The following NLGN1 variants were observed in gnomAD, a reference collection of about 807,000 sequenced individuals.
NLGN1 encodes the protein neuroligin 1, also known as neuroligin-1.
In NLGN1, 12 loss-of-function variants were observed where a neutral mutation model predicts 65.5. The observed-to-expected ratio is 0.18, with a 90% CI of 0.12 to 0.30. The LOEUF is 0.30. Ranked by LOEUF, NLGN1 falls within the 10% of genes least tolerant of loss-of-function variation. The pLI, the probability that NLGN1 is intolerant of heterozygous loss-of-function variation, is 1.00. For synonymous variants in NLGN1, 350 were observed against 359.5 expected (o/e 0.97, Z 0.30); for missense variants, 750 against 1,007.1 (o/e 0.74, Z 3.46).
intron 4 of NLGN1, among the ~76,000 whole-genome samples, chr3:173,994,152 G>A (rs1721754333): frequency 6.6e-6 from 1 of 152,066 alleles, no homozygotes; most frequent in South Asian, 2.1e-4. Context: ...CTGTCACCCA[G>A]GTTGGAGTGC....
chr3:173,482,087 G>A (rs1425509862), intron 2 of NLGN1, among the ~76,000 whole-genome samples: 2 of 151,898 alleles, frequency 1.3e-5, no homozygotes, highest in African/African-American at 4.8e-5. Flanking sequence ...TGATCATTCA[G>A]TTTTGTTTGT....
chr3:174,275,352 C>A, exon 5 of NLGN1: 1 of 1,612,566 alleles, frequency 6.2e-7, no homozygotes, highest in Non-Finnish European at 8.5e-7. Flanking sequence ...CAAAGGGGAA[C>A]TATGGACTCC....
chr3:173,802,500 A>G (rs1021857430), intron 3 of NLGN1, among the ~76,000 whole-genome samples: 2 of 152,224 alleles, frequency 1.3e-5, no homozygotes, highest in African/African-American at 4.8e-5. Flanking sequence ...CAGATATCCT[A>G]CAGGGGAAAA....
At chr3:173,815,161 AC>A (rs1433148852) in intron 4 of NLGN1, among the ~76,000 whole-genome samples, 2 of 141,404 alleles carry the variant, frequency 1.4e-5, no homozygotes, top group African/African-American at 5.3e-5. Flanking sequence ...TCCCTCTGTC[AC>A]CCAGGCTGGA....
At chr3:174,175,017 A>G (rs1481725327) in intron 4 of NLGN1, among the ~76,000 whole-genome samples, 1 of 151,896 alleles carries the variant, frequency 6.6e-6, no homozygotes, top group Non-Finnish European at 1.5e-5. Context: ...GAGATGCTTG[A>G]TATTGTTTCA....
At chr3:173,770,308 A>G (rs1347233592) in intron 3 of NLGN1, among the ~76,000 whole-genome samples, 1 of 152,176 alleles carries the variant, frequency 6.6e-6, no homozygotes, top group African/African-American at 2.4e-5. Flanking sequence ...CATTTACAGA[A>G]CTTGGGCTAC....
intron 2 of NLGN1, among the ~76,000 whole-genome samples, chr3:173,455,688 A>G (rs1722393832): frequency 6.6e-6 from 1 of 152,106 alleles, no homozygotes. Flanking sequence ...ACAACAATAA[A>G]ACAAGGTTAG....
chr3:174,216,089 A>G (rs1737546385), intron 4 of NLGN1, among the ~76,000 whole-genome samples: 1 of 152,160 alleles, frequency 6.6e-6, no homozygotes, highest in East Asian at 1.9e-4. Flanking sequence ...TGGATTTCCA[A>G]TCCACTTTCA....
At chr3:173,752,793 C>G (rs1776493657) in intron 3 of NLGN1, among the ~76,000 whole-genome samples, 1 of 152,108 alleles carries the variant, frequency 6.6e-6, no homozygotes, top group Non-Finnish European at 1.5e-5. Flanking sequence ...CATTCTCCTT[C>G]TACTTCCCAG....
intron 4 of NLGN1, among the ~76,000 whole-genome samples, chr3:173,936,534 C>T (rs74731358): frequency 0.05 from 7,548 of 152,096 alleles, 287 homozygotes; most frequent in Admixed American, 0.12. Flanking sequence ...AACCCTTGGA[C>T]GTTATTACTG....
intron 4 of NLGN1, among the ~76,000 whole-genome samples, chr3:173,918,728 T>C (rs2152253878): frequency 6.8e-6 from 1 of 147,422 alleles, no homozygotes; most frequent in African/African-American, 2.5e-5. Flanking sequence ...CATAGAATGG[T>C]AACGTCTTCT....
chr3:173,936,538 A>C (rs1230227920), intron 4 of NLGN1, among the ~76,000 whole-genome samples: 1 of 152,062 alleles, frequency 6.6e-6, no homozygotes, highest in Non-Finnish European at 1.5e-5. Flanking sequence ...CTTGGACGTT[A>C]TTACTGCAGT....
rs116559328 is a variant in NLGN1 at position 174,187,322 on chromosome 3, T to C, written c.647-87993T>C. On this transcript the variant is annotated intron_variant, in intron 4 of 6. Transcript: ENST00000457714. ...ACATTAACCTCTCTGTGCTTTACTTTCCTCTTTTGCAAAATAATACCAGGT... is the reference window on the plus strand; with the variant it reads ...ACATTAACCTCTCTGTGCTTTACTTCCCTCTTTTGCAAAATAATACCAGGT... Among the ~76,000 whole-genome samples, 1,098 of 152,044 alleles carry C rather than the reference T, an allele frequency of 7.2e-3. 11 individuals are homozygous for C. The highest frequency in any genetic ancestry group is 0.024 in the African/African-American group (987 of 41,504).
intron 3 of NLGN1, among the ~76,000 whole-genome samples, chr3:173,676,101 A>AT (rs1763135798): frequency 6.6e-6 from 1 of 152,042 alleles, no homozygotes; most frequent in East Asian, 1.9e-4. Flanking sequence ...TATACAAGTA[A>AT]TGTCAGAATA....
intron 3 of NLGN1, among the ~76,000 whole-genome samples, chr3:173,715,279 C>G (rs59358631): frequency 6.6e-6 from 1 of 152,164 alleles, no homozygotes; most frequent in Non-Finnish European, 1.5e-5. Flanking sequence ...ATATATGTTA[C>G]TCATGTTCCA....
intron 3 of NLGN1, among the ~76,000 whole-genome samples, chr3:173,714,159 T>G (rs1232190451): frequency 6.6e-6 from 1 of 152,144 alleles, no homozygotes; most frequent in African/African-American, 2.4e-5. Flanking sequence ...TTTTTATTGT[T>G]GTTATATTGT....
intron 4 of NLGN1, among the ~76,000 whole-genome samples, chr3:174,237,841 G>A (rs969294464): frequency 1.3e-5 from 2 of 152,104 alleles, no homozygotes. Flanking sequence ...ACAGTTGTGA[G>A]CCACCACGCC....
rs181681773 is a variant in NLGN1 at position 174,246,229 on chromosome 3, C to T, written c.647-29086C>T. Among the ~76,000 whole-genome samples, 177 of 152,264 alleles carry T rather than the reference C, an allele frequency of 1.2e-3. 1 individual carries two copies. Among genetic ancestry groups the T allele is most frequent in the African/African-American group, 3.8e-3 (159 of 41,570 alleles). ...AAGATTCCCACTACATTTTTACTTA[C>T]CTATTTTGAGTCAGTCAAATTCAAT... On this transcript the variant is annotated intron_variant, in intron 4 of 6. Coordinates refer to ENST00000457714, the Ensembl canonical transcript of NLGN1.
chr3:173,645,330 C>T (rs1005108579), intron 3 of NLGN1, among the ~76,000 whole-genome samples: 4 of 152,218 alleles, frequency 2.6e-5, no homozygotes, highest in Admixed American at 6.5e-5. Context: ...TGGGGGCCCC[C>T]GTAGTGCTGG....
Sources: gnomAD v4.1 joint callset for allele counts (sites outside exome capture counted in the v4.1 genomes callset) on GRCh38, gnomAD v4.1.1 for gene constraint, MANE v1.5 for transcripts, NCBI Gene and HGNC (gene_info 2026-07-23, HGNC 2026-07-21) for gene names.